ARHGAP32: variants seen among roughly 807,000 people sequenced by gnomAD.
ARHGAP32 encodes Rho GTPase activating protein 32, also known as rho GTPase-activating protein 32.
Under a neutral mutation model 186.5 loss-of-function variants are expected in ARHGAP32, and 51 were observed. That is an observed-to-expected ratio of 0.27 (90% CI 0.22 to 0.35). The LOEUF is 0.35. ARHGAP32 is among the 10% of genes least tolerant of loss of function. The pLI is 1.00. For missense variants in ARHGAP32, 2,186 were observed against 2,623.5 expected (o/e 0.83, Z 3.64); for synonymous variants, 950 against 964.3 (o/e 0.99, Z 0.27).
chr11:129,055,327 G>A (rs1223083574), intron 10 of ARHGAP32, among the ~76,000 whole-genome samples: 4 of 152,154 alleles, frequency 2.6e-5, no homozygotes. Flanking sequence ...CTCATTCACT[G>A]CTAGTAACAA....
intron 1 of ARHGAP32, among the ~76,000 whole-genome samples, chr11:129,241,602 A>G (rs1945018692): frequency 6.6e-6 from 1 of 152,164 alleles, no homozygotes; most frequent in African/African-American, 2.4e-5. Context: ...ACGTGATGAC[A>G]CCACTGCACT....
intron 1 of ARHGAP32, among the ~76,000 whole-genome samples, chr11:129,199,599 T>C (rs1234056166): frequency 1.3e-5 from 2 of 152,262 alleles, no homozygotes; most frequent in Admixed American, 6.5e-5. Context: ...TGGGAACCTC[T>C]ACCTAGATTT....
At chr11:129,035,497 T>C (rs1412670844) in intron 11 of ARHGAP32, among the ~76,000 whole-genome samples, 1 of 152,202 alleles carries the variant, frequency 6.6e-6, no homozygotes, top group African/African-American at 2.4e-5. Context: ...AGTTTTAAAG[T>C]GTGAAACAAG....
In ARHGAP32 at chr11:128,968,008, A is replaced by G. The variant is rs745543702; in HGVS notation, c.*899T>C. Reference sequence around the variant, plus strand: ...TATGACATGTTTTACTAGAATTACAATTCACCAAATCTTATTGAGGGGTGG... The same window carrying G: ...TATGACATGTTTTACTAGAATTACAGTTCACCAAATCTTATTGAGGGGTGG... On this transcript the variant is annotated 3_prime_UTR_variant, in exon 23 of 23. Transcript: ENST00000682385. 7 of 150,324 alleles carry G rather than the reference A, an allele frequency of 4.7e-5. No individual in the cohort carries two copies. The highest frequency in any genetic ancestry group is 7.4e-5 in the Non-Finnish European group (5 of 67,834). The allele number at this position is 150,324 out of a possible 1,614,324, so 9.3% of individuals were successfully genotyped here. A position where few individuals can be genotyped will look rare whatever the true frequency, so the allele number is the denominator to read the frequency against.
intron 5 of ARHGAP32, among the ~76,000 whole-genome samples, chr11:129,100,677 T>C (rs1941870402): frequency 6.6e-6 from 1 of 152,012 alleles, no homozygotes; most frequent in Non-Finnish European, 1.5e-5. Context: ...ACCCTGCCCT[T>C]ATACTAACAC....
chr11:129,217,662 G>A (rs7128584), intron 1 of ARHGAP32, among the ~76,000 whole-genome samples: 63,753 of 151,892 alleles, frequency 0.42, 13,816 homozygotes, highest in Middle Eastern at 0.55. Flanking sequence ...GCTCAGTACT[G>A]TCTATTCTCC....
intron 1 of ARHGAP32, among the ~76,000 whole-genome samples, chr11:129,265,947 C>T (rs1420378687): frequency 1.3e-5 from 2 of 152,062 alleles, no homozygotes; most frequent in African/African-American, 2.4e-5. Flanking sequence ...CAAGATGCTC[C>T]ATCAATTGGT....
At chr11:129,105,868 A>G (rs1432875236) in intron 5 of ARHGAP32, among the ~76,000 whole-genome samples, 1 of 152,214 alleles carries the variant, frequency 6.6e-6, no homozygotes, top group Non-Finnish European at 1.5e-5. Flanking sequence ...AAAAAGTTCA[A>G]AGAAACCATG....
At chr11:129,184,440 G>A (rs1944116433) in intron 1 of ARHGAP32, among the ~76,000 whole-genome samples, 1 of 152,106 alleles carries the variant, frequency 6.6e-6, no homozygotes, top group Non-Finnish European at 1.5e-5. Flanking sequence ...TACCTTGTGT[G>A]TATGTATCTA....
rs549981794 is a variant in ARHGAP32, at chr11:129,123,063, G to A, written c.444+383C>T. On this transcript the variant is annotated intron_variant, in intron 5 of 22. Transcript: ENST00000682385. This position sits in a 1 kb window ranked among gnomAD's most constrained non-coding sequence, Gnocchi z 4.6. ...TAACAGTAAAAACATTTCTGAAAAA[G>A]AAGAATAAAGTGAGAACACTTTAAT... 6.6e-6 allele frequency among the ~76,000 whole-genome samples: 1 copy of A among 152,098 alleles called. No individual in the cohort carries two copies. The highest frequency in any genetic ancestry group is 2.1e-4 in the South Asian group (1 of 4,824).
At chr11:129,004,245 C>CTTTTTTTTTT (rs71057919) in intron 11 of ARHGAP32, among the ~76,000 whole-genome samples, 4 of 116,368 alleles carry the variant, frequency 3.4e-5, no homozygotes, top group Non-Finnish European at 5.2e-5. Flanking sequence ...CAATGCTTTC[C>CTTTTTTTTTT]TTTTTTTTTT....
chr11:129,125,882 T>C, intron 2 of ARHGAP32: 1 of 447,186 alleles, frequency 2.2e-6, no homozygotes. Flanking sequence ...TACTCCTTCT[T>C]AGAGGTCTCC....
intron 6 of ARHGAP32, among the ~76,000 whole-genome samples, chr11:129,075,295 A>G (rs1220657232): frequency 6.6e-6 from 1 of 152,328 alleles, no homozygotes; most frequent in South Asian, 2.1e-4. Context: ...AAAATGATAA[A>G]GAGATGCCAT....
At chr11:129,195,059 T>TC (rs1250595797), upstream of ARHGAP32, among the ~76,000 whole-genome samples, 4 of 150,130 alleles carry the variant, frequency 2.7e-5, no homozygotes, top group Non-Finnish European at 1.5e-5. Flanking sequence ...AACCTCCACC[T>TC]CCCAGTTCAG....
chr11:129,168,832 C>A (rs1265811732), intron 1 of ARHGAP32, among the ~76,000 whole-genome samples: 2 of 151,476 alleles, frequency 1.3e-5, no homozygotes, highest in East Asian at 1.9e-4. Context: ...CGCAGAACTG[C>A]ACTAAAAAGC....
intron 5 of ARHGAP32, among the ~76,000 whole-genome samples, chr11:129,120,185 C>T (rs1349519134): frequency 6.6e-6 from 1 of 151,890 alleles, no homozygotes; most frequent in Non-Finnish European, 1.5e-5. Context: ...AAAGATGGAG[C>T]CAAAAAATCT....
intron 1 of ARHGAP32, among the ~76,000 whole-genome samples, chr11:129,236,484 G>A (rs1944936755): frequency 6.6e-6 from 1 of 152,144 alleles, no homozygotes; most frequent in South Asian, 2.1e-4. Flanking sequence ...TTTGTCTGAT[G>A]TACAGATTGT....
chr11:129,097,337 CTG>C (rs377067075), intron 5 of ARHGAP32, among the ~76,000 whole-genome samples: 14 of 152,112 alleles, frequency 9.2e-5, no homozygotes, highest in African/African-American at 2.9e-4. Flanking sequence ...AAATAAAAAA[CTG>C]TTTCTGAAAA....
intron 6 of ARHGAP32, among the ~76,000 whole-genome samples, chr11:129,085,541 G>A (rs1797178902): frequency 6.6e-6 from 1 of 152,056 alleles, no homozygotes; most frequent in Non-Finnish European, 1.5e-5. Flanking sequence ...TTCCAAACCT[G>A]ATTTACAGAT....
Sources: gnomAD v4.1 joint callset for allele counts (sites outside exome capture counted in the v4.1 genomes callset) on GRCh38, gnomAD v4.1.1 for gene constraint, Gnocchi (gnomAD v3.1) non-coding constraint, MANE v1.5 for transcripts, NCBI Gene and HGNC (gene_info 2026-07-23, HGNC 2026-07-21) for gene names.